Variants in CPEB1 observed in about 807,000 individuals in gnomAD.
CPEB1 encodes cytoplasmic polyadenylation element-binding protein 1.
In CPEB1, 7 loss-of-function variants were observed where a neutral mutation model predicts 65.8. The ratio of observed to expected loss-of-function variants is 0.11; its 90% CI spans 0.06 to 0.20. CPEB1 has a LOEUF of 0.20. Among genes scored for constraint, CPEB1 ranks in the 10% least tolerant of loss-of-function variants. CPEB1 has a pLI of 1.00. For synonymous variants in CPEB1, 262 were observed against 260.0 expected (o/e 1.01, Z -0.08); for missense variants, 551 against 712.2 (o/e 0.77, Z 2.58).
At chr15:82,558,821 A>G (rs2037687216) in intron 4 of CPEB1, among the ~76,000 whole-genome samples, 1 of 152,176 alleles carries the variant, frequency 6.6e-6, no homozygotes. Flanking sequence ...ACAAAAAAAG[A>G]GCAACGTTTT....
intron 10 of CPEB1, among the ~76,000 whole-genome samples, 195 bp from the exon 11 acceptor site, chr15:82,547,432 G>GA (rs1325499389): frequency 6.6e-6 from 1 of 151,520 alleles, no homozygotes; most frequent in Non-Finnish European, 1.5e-5. Flanking sequence ...GAGTAGCTGG[G>GA]ACTACAGGCA....
At chr15:82,609,461 AC>A (rs893505257) in intron 3 of CPEB1, among the ~76,000 whole-genome samples, 1 of 152,034 alleles carries the variant, frequency 6.6e-6, no homozygotes, top group African/African-American at 2.4e-5. Context: ...TGATCACGCC[AC>A]TGCACTCCAG....
At chr15:82,621,395 G>T (rs1278931583) in intron 3 of CPEB1, among the ~76,000 whole-genome samples, 1 of 152,004 alleles carries the variant, frequency 6.6e-6, no homozygotes, top group African/African-American at 2.4e-5. Context: ...GCCGAGGCAG[G>T]CGGATCACCT....
At chr15:82,647,736 G>A, upstream of CPEB1, 1 of 923,218 alleles carries the variant, frequency 1.1e-6, no homozygotes, top group South Asian at 5.0e-5. Context: ...CCCCGCCCGG[G>A]ACTCGCCCGC....
At chr15:82,578,114 T>G (rs2040868858) in intron 3 of CPEB1, among the ~76,000 whole-genome samples, 1 of 151,990 alleles carries the variant, frequency 6.6e-6, no homozygotes, top group African/African-American at 2.4e-5. Flanking sequence ...CACTCCAGCC[T>G]GGGCAACAGA....
intron 3 of CPEB1, among the ~76,000 whole-genome samples, chr15:82,612,379 C>G (rs936561462): frequency 3.3e-5 from 5 of 151,728 alleles, no homozygotes; most frequent in Non-Finnish European, 7.4e-5. Flanking sequence ...CCCCTGTAGT[C>G]CCAGCTACTT....
Position 82,627,444 on chromosome 15 carries a change from G to A in CPEB1, c.97-77C>T. On this transcript the variant is annotated intron_variant, in intron 2 of 12. Transcript: ENST00000684509. The stretch of plus-strand genomic sequence containing the variant: ...CCCTTTCTCTCCACATTACGAATTA[G>A]ATAAAGTAGGAAGGACTTAAGTATC... 6 of 1,124,266 alleles carry A rather than the reference G, an allele frequency of 5.3e-6. No individual in the cohort carries two copies. In the South Asian group the frequency reaches 1.0e-4, roughly 19 times the overall value. 69.6% of individuals were successfully genotyped at this position (1,124,266 alleles called of 1,614,324 possible). A position where few individuals can be genotyped will look rare whatever the true frequency, so the allele number is the denominator to read the frequency against.
intron 4 of CPEB1, among the ~76,000 whole-genome samples, chr15:82,560,124 A>G (rs2037949613): frequency 6.6e-6 from 1 of 152,196 alleles, no homozygotes; most frequent in Non-Finnish European, 1.5e-5. Context: ...TAGAAATCCA[A>G]AATCAAAGCC....
intron 3 of CPEB1, among the ~76,000 whole-genome samples, chr15:82,578,026 G>C (rs1226173740): frequency 6.6e-6 from 1 of 152,188 alleles, no homozygotes; most frequent in Non-Finnish European, 1.5e-5. Context: ...TGCAGTCCCA[G>C]CTAATCGGGA....
intron 3 of CPEB1, among the ~76,000 whole-genome samples, chr15:82,611,303 G>A (rs1202052779): frequency 6.6e-6 from 1 of 151,968 alleles, no homozygotes; most frequent in Non-Finnish European, 1.5e-5. Flanking sequence ...TGAACAATCT[G>A]AAAATAAAAT....
chr15:82,574,335 A>C (rs1401953397), intron 3 of CPEB1, among the ~76,000 whole-genome samples: 1 of 152,210 alleles, frequency 6.6e-6, no homozygotes, highest in African/African-American at 2.4e-5. Context: ...TGCTCTGCTC[A>C]CCAGGTCTGC....
chr15:82,585,582 G>T (rs892626002), intron 3 of CPEB1, among the ~76,000 whole-genome samples: 29 of 152,088 alleles, frequency 1.9e-4, no homozygotes, highest in Admixed American at 1.6e-3. Context: ...AAGCATTAAA[G>T]CCATGGCACA....
intron 3 of CPEB1, among the ~76,000 whole-genome samples, chr15:82,581,375 C>A (rs562913063): frequency 6.6e-6 from 1 of 152,292 alleles, no homozygotes; most frequent in African/African-American, 2.4e-5. Context: ...CTGTTTCTAC[C>A]TTTTGACTAT....
At chr15:82,575,874 T>A (rs750969631) in intron 3 of CPEB1, among the ~76,000 whole-genome samples, 3 of 152,202 alleles carry the variant, frequency 2.0e-5, no homozygotes, top group Non-Finnish European at 2.9e-5. Flanking sequence ...TATATTTTCT[T>A]CCTTTTCAAT....
intron 5 of CPEB1, 55 bp from the exon 6 acceptor site, chr15:82,556,177 A>C: frequency 6.7e-7 from 1 of 1,499,252 alleles, no homozygotes; most frequent in South Asian, 1.4e-5. Context: ...TTATAAAGTA[A>C]TAATCACATT....
chr15:82,555,806 G>A lies in CPEB1; in HGVS notation c.940+64C>T. 3 of 1,551,964 alleles carry A rather than the reference G, an allele frequency of 1.9e-6. No individual in the cohort carries two copies. In the African/African-American group the frequency reaches 4.2e-5, roughly 22 times the overall value. On this transcript the variant is annotated intron_variant, in intron 6 of 12. Transcript: ENST00000684509. Reference sequence around the variant, plus strand: ...GACAGTTCACAAGTGTGTGAACTAAGGTCACTTCCTCTCTGCTCCCAAAAT... The same window carrying A: ...GACAGTTCACAAGTGTGTGAACTAAAGTCACTTCCTCTCTGCTCCCAAAAT...
intron 9 of CPEB1, among the ~76,000 whole-genome samples, chr15:82,551,419 C>T (rs570146816): frequency 2.0e-5 from 3 of 152,188 alleles, no homozygotes; most frequent in South Asian, 2.1e-4. Context: ...TCATCCCCAC[C>T]GAAAGTCCAT....
chr15:82,568,472 A>T (rs1057272951), intron 4 of CPEB1, among the ~76,000 whole-genome samples: 2 of 152,212 alleles, frequency 1.3e-5, no homozygotes, highest in African/African-American at 2.4e-5. Flanking sequence ...GCCTCAGGGT[A>T]GGCACAGTCT....
At chr15:82,544,815 CT>C in intron 12 of CPEB1, 113 bp from the exon 13 acceptor site, 1 of 765,114 alleles carries the variant, frequency 1.3e-6, no homozygotes, top group Non-Finnish European at 2.3e-6. Flanking sequence ...TCCCGATGGC[CT>C]CTGTGGGTTA....
Sources: allele counts gnomAD v4.1 joint callset (sites outside exome capture counted in the v4.1 genomes callset), GRCh38; gene constraint gnomAD v4.1.1; transcripts MANE v1.5; gene names NCBI Gene and HGNC (gene_info 2026-07-23, HGNC 2026-07-21).